LRRC4C: variants seen among roughly 807,000 people sequenced by gnomAD.
The protein encoded by LRRC4C is leucine rich repeat containing 4C, also known as leucine-rich repeat-containing protein 4C.
LRRC4C carries 5 observed loss-of-function variants against 33.6 expected under a neutral mutation model. The observed-to-expected ratio is 0.15, with a 90% CI of 0.08 to 0.31. The LOEUF (loss-of-function observed/expected upper bound fraction) is 0.31. LRRC4C is among the 10% of genes least tolerant of loss of function. The pLI is 1.00. For missense variants in LRRC4C, 560 were observed against 796.7 expected (o/e 0.70, Z 3.58); for synonymous variants, 329 against 302.0 (o/e 1.09, Z -0.93).
At chr11:40,209,144 T>C (rs556699733) in intron 5 of LRRC4C, among the ~76,000 whole-genome samples, 86 of 152,266 alleles carry the variant, frequency 5.6e-4, no homozygotes, top group Non-Finnish European at 9.8e-4. Flanking sequence ...AGTGAAGAGC[T>C]TGTGGTCTAG....
At chr11:40,907,231 T>C (rs1281537310) in intron 2 of LRRC4C, among the ~76,000 whole-genome samples, 1 of 152,210 alleles carries the variant, frequency 6.6e-6, no homozygotes, top group Non-Finnish European at 1.5e-5. Context: ...TCAGCTAAAA[T>C]AGCTAGCCCT....
chr11:40,255,080 CG>C (rs1179294533), intron 4 of LRRC4C, among the ~76,000 whole-genome samples: 10 of 152,088 alleles, frequency 6.6e-5, no homozygotes, highest in Non-Finnish European at 2.9e-5. Flanking sequence ...GGATTACAAG[CG>C]TGAGTCACCG....
intron 3 of LRRC4C, among the ~76,000 whole-genome samples, chr11:40,355,657 A>G (rs1310246320): frequency 6.6e-6 from 1 of 152,136 alleles, no homozygotes; most frequent in African/African-American, 2.4e-5. Context: ...CCGCAAGCAC[A>G]GATTCTCTCT....
At chr11:40,963,799 A>C (rs1851135543) in intron 1 of LRRC4C, among the ~76,000 whole-genome samples, 1 of 151,776 alleles carries the variant, frequency 6.6e-6, no homozygotes, top group African/African-American at 2.4e-5. Context: ...ATAGAACCAC[A>C]CACTCAAATA....
intron 5 of LRRC4C, among the ~76,000 whole-genome samples, chr11:40,193,075 G>C (rs1371617115): frequency 6.6e-6 from 1 of 152,150 alleles, no homozygotes; most frequent in East Asian, 1.9e-4. Context: ...GAGAGCAGAG[G>C]ATCTCCCAGC....
At chr11:41,354,170 T>A (rs1028075102) in intron 1 of LRRC4C, among the ~76,000 whole-genome samples, 3 of 152,070 alleles carry the variant, frequency 2.0e-5, no homozygotes, top group Admixed American at 2.0e-4. Flanking sequence ...TAAACAACTT[T>A]AGTAAAGTGT....
chr11:40,351,207 T>G (rs992727637), intron 3 of LRRC4C, among the ~76,000 whole-genome samples: 1 of 152,052 alleles, frequency 6.6e-6, no homozygotes, highest in Non-Finnish European at 1.5e-5. Context: ...TTGTACAGTT[T>G]CCAATGTTTC....
intron 3 of LRRC4C, among the ~76,000 whole-genome samples, chr11:40,622,109 C>T (rs1962514312): frequency 6.6e-6 from 1 of 151,860 alleles, no homozygotes; most frequent in South Asian, 2.1e-4. Context: ...AACAAGTGGT[C>T]TTTCTACTTT....
intron 1 of LRRC4C, among the ~76,000 whole-genome samples, chr11:41,076,941 G>A (rs1471361622): frequency 1.3e-5 from 2 of 152,084 alleles, no homozygotes; most frequent in Non-Finnish European, 2.9e-5. Context: ...GGAGAAATTG[G>A]CCAAAAAAGG....
intron 1 of LRRC4C, among the ~76,000 whole-genome samples, chr11:41,367,695 T>G (rs1006616434): frequency 1.3e-5 from 2 of 152,134 alleles, no homozygotes; most frequent in Non-Finnish European, 2.9e-5. Context: ...TTTTAGACAC[T>G]CGGTATGGGC....
intron 3 of LRRC4C, among the ~76,000 whole-genome samples, chr11:40,579,228 C>T (rs1488809578): frequency 6.6e-6 from 1 of 151,542 alleles, no homozygotes; most frequent in Admixed American, 6.6e-5. Flanking sequence ...TCCAGCTACT[C>T]AAGAGGCAGA....
chr11:41,190,191 G>C (rs1945879515), intron 1 of LRRC4C, among the ~76,000 whole-genome samples: 1 of 152,088 alleles, frequency 6.6e-6, no homozygotes, highest in South Asian at 2.1e-4. Context: ...GTCTACTTAT[G>C]CTGTTGCCCT....
At chr11:41,209,670 A>G (rs1311872512) in intron 1 of LRRC4C, among the ~76,000 whole-genome samples, 1 of 152,012 alleles carries the variant, frequency 6.6e-6, no homozygotes, top group African/African-American at 2.4e-5. Context: ...TTAAAGAGAA[A>G]AAAAGACTTT....
intron 1 of LRRC4C, among the ~76,000 whole-genome samples, chr11:41,437,103 C>T (rs978393349): frequency 2.0e-5 from 3 of 152,126 alleles, no homozygotes; most frequent in African/African-American, 7.2e-5. Context: ...CAAATACAAG[C>T]CCTAGCTGTG....
chr11:40,948,253 T>C (rs1413555356), intron 1 of LRRC4C, among the ~76,000 whole-genome samples: 1 of 152,172 alleles, frequency 6.6e-6, no homozygotes, highest in Non-Finnish European at 1.5e-5. Flanking sequence ...CCTGGACTCA[T>C]ATTCATTGAA....
chr11:40,655,978 AACTC>A (rs1400246163), intron 2 of LRRC4C, among the ~76,000 whole-genome samples: 2 of 152,096 alleles, frequency 1.3e-5, no homozygotes, highest in African/African-American at 2.4e-5. Flanking sequence ...ATTTCATGAG[AACTC>A]ACTCACTGTC....
rs192226741 is a variant in LRRC4C, at chr11:40,409,969, T to G, written c.-269-90248A>C. On this transcript the variant is annotated intron_variant, in intron 3 of 6. Coordinates refer to ENST00000528697, the MANE Select transcript of LRRC4C (RefSeq NM_001258419.2). ...TTTGTACACAATAAATATCTACAATTTTATTAGTCAATTAAAATAAATAAA... is the reference window on the plus strand; with the variant it reads ...TTTGTACACAATAAATATCTACAATGTTATTAGTCAATTAAAATAAATAAA... Among the ~76,000 whole-genome samples, 283 of 152,196 alleles carry G rather than the reference T, an allele frequency of 1.9e-3. 5 individuals are homozygous for G. The highest frequency in any genetic ancestry group is 0.017 in the Admixed American group (265 of 15,256).
In LRRC4C at chr11:40,115,934, A is replaced by G; in HGVS notation, c.359T>C (p.Phe120Ser). 1 of 1,614,148 alleles carries G rather than the reference A, an allele frequency of 6.2e-7. No homozygotes were observed. Among genetic ancestry groups the G allele is most frequent in the Non-Finnish European group, 8.5e-7 (1 of 1,180,024 alleles). The change falls in exon 7 of 7, where the codon TTC (phenylalanine) becomes TCC (serine). Residue 120 changes from phenylalanine to serine, a missense_variant. Phe to Ser is a radical substitution (Grantham distance 155). Coordinates refer to ENST00000528697, the MANE Select transcript of LRRC4C (RefSeq NM_001258419.2). This position sits in a 1 kb window ranked among gnomAD's most constrained non-coding sequence, Gnocchi z 6.7. ...AGTGTTGAGGTTCGCCAGACCATTG[A>G]AAGCCCCAATTTCAATGGTTCTGAT... ...NHIRTIEIGA[F>S]NGLANLNTLE... is the part of the protein sequence containing the mutation.
At chr11:40,333,168 T>A (rs1946437331) in intron 3 of LRRC4C, among the ~76,000 whole-genome samples, 1 of 152,134 alleles carries the variant, frequency 6.6e-6, no homozygotes, top group African/African-American at 2.4e-5. Flanking sequence ...ACTCCTCCTC[T>A]TGCTATAATC....
Sources: gnomAD v4.1 joint callset for allele counts (sites outside exome capture counted in the v4.1 genomes callset) on GRCh38, gnomAD v4.1.1 for gene constraint, Gnocchi (gnomAD v3.1) non-coding constraint, MANE v1.5 for transcripts, NCBI Gene and HGNC (gene_info 2026-07-23, HGNC 2026-07-21) for gene names.